ZCWPW1: variants seen among roughly 807,000 people sequenced by gnomAD.
ZCWPW1 encodes zinc finger CW-type PWWP domain protein 1.
In ZCWPW1, 56 loss-of-function variants were observed where a neutral mutation model predicts 81.3. That is an observed-to-expected ratio of 0.69 (90% CI 0.56 to 0.86). The LOEUF (loss-of-function observed/expected upper bound fraction) is 0.86, where lower values mean the gene tolerates loss of function less well. Ranked by LOEUF, ZCWPW1 falls within the 40% of genes least tolerant of loss-of-function variation. The probability of loss-of-function intolerance (pLI) is 0.00; values close to 1 mark genes in which losing one functional copy is unlikely to be tolerated. For missense variants in ZCWPW1, 650 were observed against 769.8 expected, an observed-to-expected ratio of 0.84 and a Z score of 1.84; for synonymous variants, 250 against 273.7, an observed-to-expected ratio of 0.91 and a Z score of 0.86.
At chr7:100,418,081 C>T (rs1379758419) in intron 5 of ZCWPW1, among the ~76,000 whole-genome samples, 1 of 152,048 alleles carries the variant, frequency 6.6e-6, no homozygotes, top group Non-Finnish European at 1.5e-5. Flanking sequence ...GACGGGGTTT[C>T]ACCATGTTGG....
chr7:100,408,593 T>A lies in ZCWPW1; in HGVS notation c.938A>T (p.Tyr313Phe). ...TWTGLESDVA[Y>F]ASYIPGSIIW... is the part of the protein sequence containing the mutation. Reference sequence around the variant, plus strand: ...GATGGATCCTGGGATGTAGGAGGCATAGGCCACATCACTCTCAAGCCCTGT... The same window carrying A: ...GATGGATCCTGGGATGTAGGAGGCAAAGGCCACATCACTCTCAAGCCCTGT... Residue 313 changes from tyrosine to phenylalanine, a missense_variant, in exon 10 of 18, where the codon TAT becomes TTT. Coordinates refer to ENST00000684423, the MANE Select transcript of ZCWPW1 (RefSeq NM_001386010.1). 6.2e-7 allele frequency: 1 copy of A among 1,614,056 alleles called. No homozygotes were observed. Among genetic ancestry groups the A allele is most frequent in the Non-Finnish European group, 8.5e-7 (1 of 1,179,974 alleles).
chr7:100,401,222 G>A lies in ZCWPW1; in HGVS notation c.1742C>T (p.Ala581Val), dbSNP rs1377943151. ...CTCTTCTTTCGCAGATGAGGGGCAG[G>A]CCCCCTTACACGCTGATAGGCCCAG... ...KNLGLSACKG[A>V]CPSSAKEEPR... The change falls in exon 18 of 18, where the codon GCC (alanine) becomes GTC (valine). Residue 581 changes from alanine to valine, a missense_variant. Coordinates refer to ENST00000684423, the MANE Select transcript of ZCWPW1 (RefSeq NM_001386010.1). The A allele has an allele frequency of 1.2e-6, 2 of 1,614,210 alleles. No individual in the cohort carries two copies. Among genetic ancestry groups the A allele is most frequent in the Admixed American group, 1.7e-5 (1 of 60,024 alleles).
At chr7:100,408,834 G>A (rs3815257) in intron 9 of ZCWPW1, among the ~76,000 whole-genome samples, 175 bp from the exon 10 acceptor site, 5,321 of 135,238 alleles carry the variant, frequency 0.039, 625 homozygotes, top group East Asian at 0.26. Flanking sequence ...AAATGCAGCT[G>A]GAACCAGCTG....
intron 2 of ZCWPW1, among the ~76,000 whole-genome samples, chr7:100,421,854 G>A (rs993641091): frequency 2.6e-5 from 4 of 152,042 alleles, no homozygotes; most frequent in East Asian, 1.9e-4. Flanking sequence ...CACCACCGCC[G>A]ACTAATTTTG....
intron 11 of ZCWPW1, among the ~76,000 whole-genome samples, 153 bp downstream of exon 11, chr7:100,407,075 A>T (rs1793167372): frequency 6.6e-6 from 1 of 152,168 alleles, no homozygotes; most frequent in Non-Finnish European, 1.5e-5. Flanking sequence ...TATATGTGTG[A>T]GCACTTATCT....
At chr7:100,422,122 T>C (rs1318008680) in intron 2 of ZCWPW1, among the ~76,000 whole-genome samples, 1 of 152,208 alleles carries the variant, frequency 6.6e-6, no homozygotes, top group East Asian at 1.9e-4. Context: ...ATCTATGAGA[T>C]TGGTAACATT....
intron 2 of ZCWPW1, among the ~76,000 whole-genome samples, chr7:100,423,866 C>G (rs942198454): frequency 6.6e-6 from 1 of 152,028 alleles, no homozygotes; most frequent in East Asian, 1.9e-4. Flanking sequence ...GTCAGGAGTT[C>G]GAGACCAGCC....
At chr7:100,424,781 A>C (rs1194288144) in intron 2 of ZCWPW1, among the ~76,000 whole-genome samples, 1 of 152,136 alleles carries the variant, frequency 6.6e-6, no homozygotes, top group Non-Finnish European at 1.5e-5. Context: ...AGTAAAATTA[A>C]AAGAGAGTAT....
intron 1 of ZCWPW1, among the ~76,000 whole-genome samples, chr7:100,427,788 G>A (rs1221117226): frequency 1.3e-5 from 2 of 151,150 alleles, no homozygotes; most frequent in African/African-American, 2.4e-5. Context: ...TTTGTGGGGC[G>A]CTCCCATTTT....
chr7:100,415,869 G>T, intron 8 of ZCWPW1, 106 bp downstream of exon 8: 2 of 1,411,442 alleles, frequency 1.4e-6, no homozygotes, highest in Non-Finnish European at 1.9e-6. Context: ...AGCTGTGAGA[G>T]ATTGACTATA....
intron 8 of ZCWPW1, among the ~76,000 whole-genome samples, chr7:100,410,783 A>C (rs1016837801): frequency 6.6e-6 from 1 of 152,164 alleles, no homozygotes. Flanking sequence ...TCACTTGCTC[A>C]AAGACTCCTA....
chr7:100,405,022 G>C lies in ZCWPW1; in HGVS notation c.1245C>G (p.Ile415Met). Residue 415 changes from isoleucine to methionine, a missense_variant, in exon 13 of 18, where the codon ATC (isoleucine) becomes ATG (methionine). Physicochemically the swap from Ile to Met is conservative, Grantham distance 10. Transcript: ENST00000684423. Reference sequence around the variant, plus strand: ...CTGAACACCCTCCCACCTGAATGCTGATCTGTTCTGCCTCTTGAGCCATCA... The same window carrying C: ...CTGAACACCCTCCCACCTGAATGCTCATCTGTTCTGCCTCTTGAGCCATCA... ...ALMMAQEAEQ[I>M]SIQERVNLFG... 1.2e-6 allele frequency: 2 copies of C among 1,613,406 alleles called. No homozygotes were observed. Among genetic ancestry groups the C allele is most frequent in the Non-Finnish European group, 1.7e-6 (2 of 1,179,700 alleles).
At position 100,405,150 on chromosome 7, in the gene ZCWPW1, C is replaced by T. The variant is rs1415529463; in HGVS notation, c.1174-57G>A. 9.7e-6 allele frequency: 15 copies of T among 1,552,530 alleles called. No homozygotes were observed. The East Asian group carries it at 1.6e-4, about 17-fold the overall frequency. On this transcript the variant is annotated intron_variant, in intron 12 of 17. Transcript: ENST00000684423. ...ATTGACTTAAAGATTAGAGTCATGA[C>T]CAGGTGCGGTGGCTCACACCTGTAA...
At chr7:100,426,101 T>A (rs1278515221) in intron 1 of ZCWPW1, among the ~76,000 whole-genome samples, 3 of 152,194 alleles carry the variant, frequency 2.0e-5, no homozygotes, top group Non-Finnish European at 4.4e-5. Flanking sequence ...ATCATTCCCT[T>A]CCTTATATTG....
Position 100,409,538 on chromosome 7 carries a change from C to T in ZCWPW1, c.761G>A (p.Cys254Tyr), listed in dbSNP as rs199651585. 2.5e-6 allele frequency: 4 copies of T among 1,612,382 alleles called. No individual in the cohort carries two copies. Among genetic ancestry groups the T allele is most frequent in the Non-Finnish European group, 3.4e-6 (4 of 1,178,934 alleles). ...GAAGGAACACTGGACCCAGACCAGA[C>T]ATTGACCTGTGAGAGGAAAAAAATG... Reference protein sequence around the residue: ...QKGEISGFGQCLVWVQCSFPN... With the variant: ...QKGEISGFGQYLVWVQCSFPN... Residue 254 changes from cysteine to tyrosine, a missense_variant, in exon 9 of 18, where the codon TGT becomes TAT. By Grantham distance (194) the Cys-to-Tyr change is radical. Transcript: ENST00000684423.
intron 15 of ZCWPW1, 42 bp downstream of exon 15, chr7:100,403,652 C>G: frequency 1.3e-6 from 2 of 1,539,396 alleles, no homozygotes; most frequent in Non-Finnish European, 1.8e-6. Flanking sequence ...GGTGAAACTC[C>G]ATCTCTATAA....
chr7:100,420,826 A>G, intron 2 of ZCWPW1, 148 bp from the exon 3 acceptor site: 4 of 689,846 alleles, frequency 5.8e-6, no homozygotes, highest in Non-Finnish European at 9.8e-6. Context: ...ATTACACACC[A>G]GGGAATAATG....
chr7:100,401,372 A>T, intron 17 of ZCWPW1, 36 bp from the exon 18 acceptor site: 1 of 1,500,716 alleles, frequency 6.7e-7, no homozygotes, highest in Non-Finnish European at 8.9e-7. Context: ...GAGTCCTATT[A>T]GGTCAGCCTG....
chr7:100,403,571 C>A, intron 15 of ZCWPW1, 123 bp downstream of exon 15: 1 of 663,978 alleles, frequency 1.5e-6, no homozygotes, highest in Non-Finnish European at 2.3e-6. Flanking sequence ...TGCCTGTAAT[C>A]CCAGCACTTT....
Sources: gnomAD v4.1 joint callset for allele counts (sites outside exome capture counted in the v4.1 genomes callset) on GRCh38, gnomAD v4.1.1 for gene constraint, MANE v1.5 for transcripts, NCBI Gene and HGNC (gene_info 2026-07-23, HGNC 2026-07-21) for gene names.